Variants in PEX26 observed in about 807,000 individuals in gnomAD.
The protein encoded by PEX26 is peroxisomal biogenesis factor 26.
PEX26 carries 18 observed loss-of-function variants against 31.4 expected under a neutral mutation model. The ratio of observed to expected loss-of-function variants is 0.57; its 90% CI spans 0.40 to 0.85. The LOEUF is 0.85. Ranked by LOEUF, PEX26 falls within the 40% of genes least tolerant of loss-of-function variation. The pLI is 0.00. For synonymous variants in PEX26, 176 were observed against 166.9 expected (o/e 1.05, Z -0.42); for missense variants, 377 against 383.9 (o/e 0.98, Z 0.15).
At chr22:18,083,289 T>A in intron 2 of PEX26, 148 bp from the exon 3 acceptor site, 1 of 836,900 alleles carries the variant, frequency 1.2e-6, no homozygotes, top group Admixed American at 1.7e-5. Context: ...CGTGGGGAAT[T>A]CCCATGAGCA....
chr22:18,083,697 C>T lies in PEX26; in HGVS notation c.632C>T (p.Ser211Leu). The change falls in exon 3 of 5, where the codon TCA becomes TTA. Residue 211 changes from serine (S) to leucine (L), a missense_variant. By Grantham distance (145) the Ser-to-Leu change is moderately radical. Coordinates refer to ENST00000399744, the MANE Select transcript of PEX26 (RefSeq NM_001127649.3). ...AGGCAGCAGCAGAAACAGGAACACTCAGGCTCTGAGGAGGCCCAGAAGCCA... is the reference window on the plus strand; with the variant it reads ...AGGCAGCAGCAGAAACAGGAACACTTAGGCTCTGAGGAGGCCCAGAAGCCA... ...TARQQQKQEH[S>L]GSEEAQKPNL... 3 of 1,614,114 alleles carry T rather than the reference C, an allele frequency of 1.9e-6. No homozygotes were observed. Among genetic ancestry groups the T allele is most frequent in the Non-Finnish European group, 2.5e-6 (3 of 1,180,040 alleles).
intron 4 of PEX26, among the ~76,000 whole-genome samples, chr22:18,086,588 A>C (rs1602466925): frequency 6.6e-6 from 1 of 152,222 alleles, no homozygotes; most frequent in East Asian, 1.9e-4. Context: ...GAACAACCCC[A>C]GTTATTTCCT....
chr22:18,088,223 C>T lies in PEX26; in HGVS notation c.*148C>T, dbSNP rs902555223. The T allele has an allele frequency of 2.7e-6, 2 of 735,064 alleles. No homozygotes were observed. Among genetic ancestry groups the T allele is most frequent in the African/African-American group, 3.4e-5 (2 of 58,292 alleles). The allele number at this position is 735,064 out of a possible 1,614,324, so 45.5% of individuals were successfully genotyped here. On this transcript the variant is annotated 3_prime_UTR_variant, in exon 5 of 5. Coordinates refer to ENST00000399744, the MANE Select transcript of PEX26 (RefSeq NM_001127649.3). The surrounding 1 kb of genome is among the most constrained non-coding windows in gnomAD (Gnocchi z 4.1). ...CTGTGTCTTGCTGCCTGGGTGCCCT[C>T]TCCTTTGCACCCTACTTCGGCTGGT...
rs1927029966 is a variant in PEX26 at position 18,090,135 on chromosome 22, AC to A, written c.*2063del. The A allele has an allele frequency of 6.6e-6, 1 of 152,144 alleles. No homozygotes were observed. Among genetic ancestry groups the A allele is most frequent in the African/African-American group, 2.4e-5 (1 of 41,432 alleles). The allele number at this position is 152,144 out of a possible 1,614,324, so 9.4% of individuals were successfully genotyped here. Reference sequence around the variant, plus strand: ...TATGGGCTTTTAAGTAAAGCTTAGAACCCTGGGGGGAGAAAAGCAGTCAGGT... The same window carrying A: ...TATGGGCTTTTAAGTAAAGCTTAGAACCTGGGGGGAGAAAAGCAGTCAGGT... On this transcript the variant is annotated 3_prime_UTR_variant, in exon 5 of 5. Transcript: ENST00000399744.
chr22:18,078,469 G>A lies in PEX26; in HGVS notation c.93G>A (p.Arg31=). 1 of 1,574,662 alleles carries A rather than the reference G, an allele frequency of 6.4e-7. No individual in the cohort carries two copies. Among genetic ancestry groups the A allele is most frequent in the Non-Finnish European group, 8.6e-7 (1 of 1,162,818 alleles). The change falls in exon 1 of 5, where the codon CGG becomes CGA. Residue 31 remains arginine, a synonymous_variant. Coordinates refer to ENST00000399744, the MANE Select transcript of PEX26 (RefSeq NM_001127649.3). ...SSEPVRAVPA[R]APAVDLLEEA... ...AGCCGGTGCGCGCGGTCCCGGCCCG[G>A]GCGCCGGCCGTGGACCTTCTGGAGG...
In PEX26 at chr22:18,095,523, C is replaced by T. The variant is rs1927264333; in HGVS notation, c.*7448C>T. On this transcript the variant is annotated 3_prime_UTR_variant, in exon 5 of 5. Transcript: ENST00000399744. ...TCTGACATCTCTGTCCGGCGGGCAC[C>T]CCCTGCTCTGGAACATTCTGGGAAT... is the stretch of plus-strand genomic sequence containing the variant. 1 of 152,120 alleles carries T rather than the reference C, an allele frequency of 6.6e-6. No homozygotes were observed. The highest frequency in any genetic ancestry group is 1.5e-5 in the Non-Finnish European group (1 of 68,050). 9.4% of individuals were successfully genotyped at this position (152,120 alleles called of 1,614,324 possible). A position where few individuals can be genotyped will look rare whatever the true frequency, so the allele number is the denominator to read the frequency against.
chr22:18,078,901 C>T, intron 1 of PEX26: 2 of 565,114 alleles, frequency 3.5e-6, no homozygotes, highest in African/African-American at 1.8e-5. Context: ...TGTCAGTAAG[C>T]AGGTGGTAAA....
rs927136983 is a variant in PEX26 at position 18,078,362 on chromosome 22, G to A, written c.-15G>A. 1.3e-6 allele frequency: 2 copies of A among 1,580,622 alleles called. No individual in the cohort carries two copies. Among genetic ancestry groups the A allele is most frequent in the South Asian group, 1.1e-5 (1 of 88,814 alleles). On this transcript the variant is annotated 5_prime_UTR_variant, in exon 1 of 5. Transcript: ENST00000399744. ...TCCGACGTCTGAGGACCTGGGCCTT[G>A]GACCCGGACTCGTTATGAAGAGCGA...
chr22:18,088,169 A>G lies in PEX26; in HGVS notation c.*94A>G, dbSNP rs1181209740. 2 of 870,022 alleles carry G rather than the reference A, an allele frequency of 2.3e-6. No homozygotes were observed. The highest frequency in any genetic ancestry group is 3.4e-5 in the Admixed American group (2 of 58,944). 53.9% of individuals were successfully genotyped at this position (870,022 alleles called of 1,614,324 possible). On this transcript the variant is annotated 3_prime_UTR_variant, in exon 5 of 5. Transcript: ENST00000399744. The surrounding 1 kb of genome is among the most constrained non-coding windows in gnomAD (Gnocchi z 4.1). ...CACATCCACAGGCGCCCCTGGGGAA[A>G]TGGGACCAGCCTAATCTCGCGGAGT...
At position 18,102,319 on chromosome 22, in the gene PEX26, A is replaced by G. The variant is rs907080653; in HGVS notation, c.*14244A>G. 1.3e-5 allele frequency: 2 copies of G among 152,804 alleles called. No homozygotes were observed. The allele number at this position is 152,804 out of a possible 1,614,324, so 9.5% of individuals were successfully genotyped here. A position where few individuals can be genotyped will look rare whatever the true frequency, so the allele number is the denominator to read the frequency against. On this transcript the variant is annotated 3_prime_UTR_variant, in exon 5 of 5. Coordinates refer to ENST00000399744, the MANE Select transcript of PEX26 (RefSeq NM_001127649.3). ...TCAAGCCATTTGTTTTTGACCCTTA[A>G]TACTTAACATGAATGATGAGTTGCA...
chr22:18,078,448 G>A lies in PEX26; in HGVS notation c.72G>A (p.Pro24=). The change falls in exon 1 of 5, where the codon CCG becomes CCA. Residue 24 remains proline (P), a synonymous_variant. Transcript: ENST00000399744. The stretch of plus-strand genomic sequence containing the variant: ...GGGGACCCCTGCGCAGCAGCGAGCC[G>A]GTGCGCGCGGTCCCGGCCCGGGCGC... ...GLGGPLRSSE[P]VRAVPARAPA... The A allele has an allele frequency of 6.3e-7, 1 of 1,578,404 alleles. No homozygotes were observed. The highest frequency in any genetic ancestry group is 8.6e-7 in the Non-Finnish European group (1 of 1,165,238).
Position 18,093,021 on chromosome 22 carries a change from T to C in PEX26, c.*4946T>C, listed in dbSNP as rs768619374. 3.9e-5 allele frequency: 6 copies of C among 152,030 alleles called. No homozygotes were observed. The highest frequency in any genetic ancestry group is 7.4e-5 in the Non-Finnish European group (5 of 68,018). 9.4% of individuals were successfully genotyped at this position (152,030 alleles called of 1,614,324 possible). The stretch of plus-strand genomic sequence containing the variant: ...TTTTTCTTACTTTTTTAATACAAAA[T>C]ACAAGCAAAGGATACACATACTTAA... On this transcript the variant is annotated 3_prime_UTR_variant, in exon 5 of 5. Transcript: ENST00000399744.
rs933150446 is a variant in PEX26 at position 18,099,398 on chromosome 22, T to G, written c.*11323T>G. 1.3e-5 allele frequency: 2 copies of G among 152,238 alleles called. No individual in the cohort carries two copies. The highest frequency in any genetic ancestry group is 2.9e-5 in the Non-Finnish European group (2 of 68,032). The allele number at this position is 152,238 out of a possible 1,614,324, so 9.4% of individuals were successfully genotyped here. On this transcript the variant is annotated 3_prime_UTR_variant, in exon 5 of 5. Coordinates refer to ENST00000399744, the MANE Select transcript of PEX26 (RefSeq NM_001127649.3). ...CCAGGTTCGTGTTAACAGTCCATAC[T>G]ACTTATGGTATACGTGAAATGCTTT...
At position 18,091,722 on chromosome 22, in the gene PEX26, G is replaced by A. The variant is rs80132947; in HGVS notation, c.*3647G>A. On this transcript the variant is annotated 3_prime_UTR_variant, in exon 5 of 5. Transcript: ENST00000399744. The stretch of plus-strand genomic sequence containing the variant: ...ATTCTTCATAGCTGTGTGTCATTCC[G>A]TTGCGTGATGGGGTCACAGAGCACA... The A allele has an allele frequency of 8.6e-3, 1,305 of 152,322 alleles. 15 individuals are homozygous for A. The highest frequency in any genetic ancestry group is 0.031 in the South Asian group (152 of 4,830). The allele number at this position is 152,322 out of a possible 1,614,324, so 9.4% of individuals were successfully genotyped here. A position where few individuals can be genotyped will look rare whatever the true frequency, so the allele number is the denominator to read the frequency against.
Position 18,098,924 on chromosome 22 carries a change from T to C in PEX26, c.*10849T>C, listed in dbSNP as rs1927375659. The C allele has an allele frequency of 6.6e-6, 1 of 152,158 alleles. No homozygotes were observed. Among genetic ancestry groups the C allele is most frequent in the Non-Finnish European group, 1.5e-5 (1 of 68,028 alleles). The allele number at this position is 152,158 out of a possible 1,614,324, so 9.4% of individuals were successfully genotyped here. On this transcript the variant is annotated 3_prime_UTR_variant, in exon 5 of 5. Transcript: ENST00000399744. ...CACATTTAGCTGGATTAAGTTAGAT[T>C]TAAATGGTCCAATAGAGAACTGTGC...
rs1926941140 is a variant in PEX26 at position 18,088,505 on chromosome 22, A to G, written c.*430A>G. ...TGAGAAACATACTTCTTTGCTGGGC[A>G]TGGTGACTCACGCCTGTAATCCCAG... On this transcript the variant is annotated 3_prime_UTR_variant, in exon 5 of 5. Transcript: ENST00000399744. The surrounding 1 kb of genome is among the most constrained non-coding windows in gnomAD (Gnocchi z 4.1). 3.1e-6 allele frequency: 1 copy of G among 320,272 alleles called. No individual in the cohort carries two copies. The highest frequency in any genetic ancestry group is 6.2e-6 in the Non-Finnish European group (1 of 161,384). The allele number at this position is 320,272 out of a possible 1,614,324, so 19.8% of individuals were successfully genotyped here.
chr22:18,097,270 T>C lies in PEX26; in HGVS notation c.*9195T>C, dbSNP rs959637031. 4.0e-5 allele frequency: 6 copies of C among 151,792 alleles called. No individual in the cohort carries two copies. The highest frequency in any genetic ancestry group is 7.3e-5 in the African/African-American group (3 of 41,232). The allele number at this position is 151,792 out of a possible 1,614,324, so 9.4% of individuals were successfully genotyped here. ...GCTATGGCCGTTAGTTTTTTTTTTT[T>C]TTCTTTTTTTTGAGACAGAGCCTCA... On this transcript the variant is annotated 3_prime_UTR_variant, in exon 5 of 5. Coordinates refer to ENST00000399744, the MANE Select transcript of PEX26 (RefSeq NM_001127649.3).
In PEX26 at chr22:18,078,551, G is replaced by T. The variant is rs775203834; in HGVS notation, c.175G>T (p.Glu59Ter). 1 of 1,590,182 alleles carries T rather than the reference G, an allele frequency of 6.3e-7. No individual in the cohort carries two copies. The highest frequency in any genetic ancestry group is 1.1e-5 in the South Asian group (1 of 88,224). Residue 59 changes from glutamate (E) to a stop codon, truncating the protein, a stop_gained, in exon 1 of 5, where the codon GAG (glutamate) becomes TAG (stop). Transcript: ENST00000399744. LOFTEE classifies it high-confidence loss of function. Reference protein sequence around the residue: ...LDFRAALETCERAWQSLANHA... With the variant: ...LDFRAALETC ...CTTCCGGGCGGCGCTGGAGACCTGCGAGCGGGCCTGGCAGAGTCTGGCCAA... is the reference window on the plus strand; with the variant it reads ...CTTCCGGGCGGCGCTGGAGACCTGCTAGCGGGCCTGGCAGAGTCTGGCCAA...
rs760437528 is a variant in PEX26 at position 18,103,284 on chromosome 22, G to A, written c.*15209G>A. 1 of 151,884 alleles carries A rather than the reference G, an allele frequency of 6.6e-6. No individual in the cohort carries two copies. The highest frequency in any genetic ancestry group is 6.6e-5 in the Admixed American group (1 of 15,218). The allele number at this position is 151,884 out of a possible 1,614,324, so 9.4% of individuals were successfully genotyped here. On this transcript the variant is annotated 3_prime_UTR_variant, in exon 5 of 5. Transcript: ENST00000399744. ...GGGTGACCATTGTTAACACTGTATT[G>A]GGTGTTTCAAAATAGACGGAATAAA...
Sources: gnomAD v4.1 joint callset for allele counts (sites outside exome capture counted in the v4.1 genomes callset) on GRCh38, gnomAD v4.1.1 for gene constraint, Gnocchi (gnomAD v3.1) non-coding constraint, MANE v1.5 for transcripts, NCBI Gene and HGNC (gene_info 2026-07-23, HGNC 2026-07-21) for gene names.